ARFGEF1: variants seen among roughly 807,000 people sequenced by gnomAD.
ARFGEF1 encodes the protein brefeldin A-inhibited guanine nucleotide-exchange protein 1.
In ARFGEF1, 42 loss-of-function variants were observed where a neutral mutation model predicts 231.0. That is an observed-to-expected ratio of 0.18 (90% confidence interval 0.14 to 0.24). The LOEUF (loss-of-function observed/expected upper bound fraction) is 0.24, where lower values mean the gene tolerates loss of function less well. Ranked by LOEUF, ARFGEF1 falls within the 10% of genes least tolerant of loss-of-function variation. ARFGEF1 has a pLI of 1.00. For synonymous variants in ARFGEF1, 710 were observed against 732.3 expected (o/e 0.97, Z 0.49); for missense variants, 1,345 against 2,192.0 (o/e 0.61, Z 7.72).
At chr8:67,187,767 A>C (rs1440417072) in intron 5 of ARFGEF1, among the ~76,000 whole-genome samples, 1 of 152,230 alleles carries the variant, frequency 6.6e-6, no homozygotes, top group Non-Finnish European at 1.5e-5. Context: ...AAAGGACCAA[A>C]GGCAGTATTA....
chr8:67,288,452 G>C (rs1409322472), intron 6 of ARFGEF1, among the ~76,000 whole-genome samples: 1 of 150,576 alleles, frequency 6.6e-6, no homozygotes, highest in Non-Finnish European at 1.5e-5. Context: ...ATGTAAGTAG[G>C]CTGGGTGCAG....
chr8:67,196,471 A>ACTC (rs1181993828), downstream of ARFGEF1, among the ~76,000 whole-genome samples: 1 of 152,128 alleles, frequency 6.6e-6, no homozygotes, highest in Non-Finnish European at 1.5e-5. Flanking sequence ...TGACATTCTG[A>ACTC]CTCAGATTAG....
intron 5 of ARFGEF1, among the ~76,000 whole-genome samples, chr8:67,179,685 T>C (rs1034256757): frequency 4.6e-5 from 7 of 152,288 alleles, no homozygotes; most frequent in African/African-American, 1.7e-4. Context: ...TTCGTAGGAA[T>C]TGTGTGTGTT....
chr8:67,333,480 T>A (rs1197719613), intron 1 of ARFGEF1, among the ~76,000 whole-genome samples: 1 of 151,956 alleles, frequency 6.6e-6, no homozygotes, highest in Non-Finnish European at 1.5e-5. Flanking sequence ...TAATTTTTTT[T>A]TTTTAGTATT....
intron 22 of ARFGEF1, among the ~76,000 whole-genome samples, chr8:67,236,410 A>G (rs1438328863): frequency 2.9e-5 from 3 of 102,938 alleles, no homozygotes; most frequent in Non-Finnish European, 3.8e-5. Context: ...ATATATATAT[A>G]TGTATCCACT....
chr8:67,209,329 A>G (rs1370370573), intron 34 of ARFGEF1, among the ~76,000 whole-genome samples: 1 of 152,254 alleles, frequency 6.6e-6, no homozygotes, highest in Non-Finnish European at 1.5e-5. Flanking sequence ...CAGACACAAA[A>G]GGTTGTATTT....
chr8:67,176,552 G>C (rs1007171099), intron 5 of ARFGEF1, among the ~76,000 whole-genome samples: 1 of 152,158 alleles, frequency 6.6e-6, no homozygotes. Context: ...TCTGGAGAGA[G>C]GAGAGAAGCA....
intron 15 of ARFGEF1, among the ~76,000 whole-genome samples, chr8:67,259,443 G>A (rs1176811708): frequency 6.6e-6 from 1 of 152,078 alleles, no homozygotes; most frequent in Non-Finnish European, 1.5e-5. Flanking sequence ...GGCCAGGCTG[G>A]TCTCGAACTC....
At chr8:67,241,045 T>C (rs957985541) in intron 19 of ARFGEF1, among the ~76,000 whole-genome samples, 6 of 152,150 alleles carry the variant, frequency 3.9e-5, no homozygotes, top group Admixed American at 2.0e-4. Flanking sequence ...TATATAGCCA[T>C]ATAGCCATAA....
intron 1 of ARFGEF1, among the ~76,000 whole-genome samples, chr8:67,320,694 C>T (rs549749229): frequency 7.2e-5 from 11 of 152,200 alleles, no homozygotes; most frequent in Non-Finnish European, 1.3e-4. Context: ...TGGTGGCTCA[C>T]GCCTATAATC....
chr8:67,227,710 A>G, intron 25 of ARFGEF1, 112 bp from the exon 26 acceptor site: 1 of 1,196,636 alleles, frequency 8.4e-7, no homozygotes, highest in Non-Finnish European at 1.2e-6. Flanking sequence ...GGTAAATCCT[A>G]AGATTTTCCA....
intron 1 of ARFGEF1, among the ~76,000 whole-genome samples, chr8:67,313,124 G>A (rs1018421411): frequency 2.0e-5 from 3 of 152,136 alleles, no homozygotes; most frequent in South Asian, 2.1e-4. Flanking sequence ...AGCTGGGTGC[G>A]ATAGTGTGCA....
chr8:67,335,833 G>A (rs1380358822), intron 1 of ARFGEF1, among the ~76,000 whole-genome samples: 2 of 151,304 alleles, frequency 1.3e-5, no homozygotes, highest in East Asian at 2.0e-4. Context: ...TGCAACCTCC[G>A]CCTTCCAGGT....
chr8:67,300,560 T>C (rs1357648738), intron 3 of ARFGEF1, among the ~76,000 whole-genome samples: 1 of 150,080 alleles, frequency 6.7e-6, no homozygotes, highest in Non-Finnish European at 1.5e-5. Flanking sequence ...GGCTCACGCC[T>C]GTAATCCCAG....
chr8:67,198,518 T>A lies in ARFGEF1; in HGVS notation c.*416A>T. 16 of 990,530 alleles carry A rather than the reference T, an allele frequency of 1.6e-5. No homozygotes were observed. The highest frequency in any genetic ancestry group is 1.9e-5 in the Non-Finnish European group (16 of 833,362). 61.4% of individuals were successfully genotyped at this position (990,530 alleles called of 1,614,324 possible). On this transcript the variant is annotated 3_prime_UTR_variant, in exon 39 of 39. Transcript: ENST00000262215. The stretch of plus-strand genomic sequence containing the variant: ...TTTACCATGAACAATAATTTCTTCT[T>A]CTCTCCCCACTCCCCAATTATAAAC...
intron 1 of ARFGEF1, 137 bp downstream of exon 1, chr8:67,343,027 C>CAGAGG: frequency 9.7e-7 from 1 of 1,035,740 alleles, no homozygotes; most frequent in South Asian, 1.6e-5. Flanking sequence ...AGACAGGGAA[C>CAGAGG]AGAGGGCTCC....
intron 18 of ARFGEF1, among the ~76,000 whole-genome samples, chr8:67,252,282 C>CAAAAAAAAAAAAAAAAAAAAAAA (rs57653248): frequency 4.6e-5 from 1 of 21,872 alleles, no homozygotes; most frequent in Non-Finnish European, 1.0e-4. Context: ...AACTCCATCT[C>CAAAAAAAAAAAAAAAAAAAAAAA]AAAAAAAAAA....
intron 38 of ARFGEF1, 71 bp downstream of exon 38, chr8:67,200,325 G>T: frequency 9.0e-7 from 1 of 1,107,398 alleles, no homozygotes; most frequent in Non-Finnish European, 1.4e-6. Flanking sequence ...TTGCACGGCG[G>T]CTCTGGGACC....
At chr8:67,207,141 G>T (rs1222262922) in intron 34 of ARFGEF1, 1 of 152,068 alleles carries the variant, frequency 6.6e-6, no homozygotes, top group Non-Finnish European at 1.5e-5. Flanking sequence ...TGTCTTCTTA[G>T]TCCTTTATTA....
Sources: allele counts gnomAD v4.1 joint callset (sites outside exome capture counted in the v4.1 genomes callset), GRCh38; gene constraint gnomAD v4.1.1; transcripts MANE v1.5; gene names NCBI Gene and HGNC (gene_info 2026-07-23, HGNC 2026-07-21).